The following TULP4 variants were observed in gnomAD, a reference collection of about 807,000 sequenced individuals.
TULP4 encodes the protein TUB like protein 4, also known as tubby-related protein 4.
A neutral mutation model predicts 129.0 loss-of-function variants in TULP4; 16 were observed. That is an observed-to-expected ratio of 0.12 (90% confidence interval 0.08 to 0.19). The LOEUF (loss-of-function observed/expected upper bound fraction) is 0.19, where lower values mean the gene tolerates loss of function less well. Ranked by LOEUF, TULP4 falls within the 10% of genes least tolerant of loss-of-function variation. The probability of loss-of-function intolerance (pLI) is 1.00; values close to 1 mark genes in which losing one functional copy is unlikely to be tolerated. For missense variants in TULP4, 1,842 were observed against 2,059.1 expected, an observed-to-expected ratio of 0.89 and a Z score of 2.04; for synonymous variants, 998 against 854.0, an observed-to-expected ratio of 1.17 and a Z score of -2.94.
intron 6 of TULP4, among the ~76,000 whole-genome samples, chr6:158,468,947 A>G (rs1428674096): frequency 6.6e-6 from 1 of 152,168 alleles, no homozygotes; most frequent in Non-Finnish European, 1.5e-5. Flanking sequence ...CAAAGGCCCC[A>G]CCTAATACCA....
intron 2 of TULP4, among the ~76,000 whole-genome samples, chr6:158,426,376 A>G (rs1321367680): frequency 1.3e-5 from 2 of 152,108 alleles, no homozygotes; most frequent in Non-Finnish European, 2.9e-5. Flanking sequence ...TTAAGTCTTT[A>G]ATCTTGAGTT....
At chr6:158,450,701 A>G (rs1779144971) in intron 4 of TULP4, among the ~76,000 whole-genome samples, 1 of 151,228 alleles carries the variant, frequency 6.6e-6, no homozygotes, top group Non-Finnish European at 1.5e-5. Context: ...TACTCTTAGA[A>G]CTCCTCTTTA....
chr6:158,308,866 C>T (rs1178324297), upstream of TULP4, among the ~76,000 whole-genome samples: 7 of 137,494 alleles, frequency 5.1e-5, no homozygotes, highest in South Asian at 2.4e-4. Flanking sequence ...CCGGACGGGG[C>T]GGCTGGCCGG....
chr6:158,425,666 C>T (rs1298869408), intron 2 of TULP4, among the ~76,000 whole-genome samples: 3 of 151,690 alleles, frequency 2.0e-5, no homozygotes, highest in Non-Finnish European at 4.4e-5. Flanking sequence ...CTGGAGTGCA[C>T]GATCTTGGCT....
In TULP4 at chr6:158,502,985, C is replaced by G. The variant is rs1170801984; in HGVS notation, c.3322C>G (p.Pro1108Ala). The G allele has an allele frequency of 8.1e-6, 13 of 1,613,918 alleles. No individual in the cohort carries two copies. The highest frequency in any genetic ancestry group is 1.1e-5 in the Non-Finnish European group (13 of 1,180,000). ...GCTTGAGAAGCCCTTGAGGCACCCT[C>G]CCCTGCCTGAAGCTGCTGTCACCCT... ...CQLEKPLRHP[P>A]LPEAAVTLKR... The change falls in exon 13 of 14, where the codon CCC (proline) becomes GCC (alanine). Residue 1108 changes from proline to alanine, a missense_variant. Coordinates refer to ENST00000367097, the MANE Select transcript of TULP4 (RefSeq NM_020245.5).
intron 3 of TULP4, among the ~76,000 whole-genome samples, chr6:158,446,869 A>C (rs1211856020): frequency 6.6e-6 from 1 of 152,170 alleles, no homozygotes; most frequent in Non-Finnish European, 1.5e-5. Context: ...CTCTTCTTAT[A>C]TGGGCGCTAA....
At chr6:158,349,833 G>T (rs1415786401) in intron 1 of TULP4, among the ~76,000 whole-genome samples, 1 of 143,042 alleles carries the variant, frequency 7.0e-6, no homozygotes, top group Non-Finnish European at 1.5e-5. Context: ...AGATGGGGCG[G>T]CCGGGCAGAG....
At chr6:158,394,800 A>C in intron 1 of TULP4, among the ~76,000 whole-genome samples, 1 of 149,482 alleles carries the variant, frequency 6.7e-6, no homozygotes, top group Non-Finnish European at 1.5e-5. Flanking sequence ...AAAAAAAAAA[A>C]AAAAAAAAAA....
chr6:158,476,215 C>T (rs1414414663), intron 6 of TULP4, among the ~76,000 whole-genome samples: 4 of 152,136 alleles, frequency 2.6e-5, no homozygotes, highest in Non-Finnish European at 2.9e-5. Context: ...TCAATGTGTC[C>T]GTGCCCTGCC....
chr6:158,331,715 A>ATAT lies in TULP4; in HGVS notation c.252+17447_252+17448insTAT, dbSNP rs1779884274. ...CACACACACACACACACACACACAC[A>ATAT]CACACACACACACATACGTATATAT... On this transcript the variant is annotated intron_variant, in intron 1 of 13. Transcript: ENST00000367097. Among the ~76,000 whole-genome samples, 2 of 20,888 alleles carry ATAT rather than the reference A, an allele frequency of 9.6e-5. 1 individual carries two copies. The highest frequency in any genetic ancestry group is 1.9e-4 in the African/African-American group (2 of 10,586). 13.7% of individuals were successfully genotyped at this position (20,888 alleles called of 152,430 possible).
intron 1 of TULP4, among the ~76,000 whole-genome samples, chr6:158,368,066 C>CAAAAAAAAAAAAGAAAAAA (rs1776973851): frequency 1.5e-5 from 1 of 65,010 alleles, no homozygotes; most frequent in Non-Finnish European, 2.9e-5. Flanking sequence ...ACCCTGTCTC[C>CAAAAAAAAAAAAGAAAAAA]AAAAAAAAAA....
chr6:158,235,020 A>G (rs1221795680), intron 1 of TULP4, among the ~76,000 whole-genome samples: 1 of 152,018 alleles, frequency 6.6e-6, no homozygotes, highest in Admixed American at 6.6e-5. Flanking sequence ...TACAAAAATT[A>G]ACCAGTTGCT....
At chr6:158,396,982 G>T (rs1402936398) in intron 1 of TULP4, among the ~76,000 whole-genome samples, 1 of 152,182 alleles carries the variant, frequency 6.6e-6, no homozygotes, top group African/African-American at 2.4e-5. Flanking sequence ...TGATGAGATT[G>T]AATAGCTGAT....
intron 1 of TULP4, among the ~76,000 whole-genome samples, chr6:158,376,600 A>G (rs1777197663): frequency 6.6e-6 from 1 of 152,216 alleles, no homozygotes; most frequent in Non-Finnish European, 1.5e-5. Flanking sequence ...TTTCAGTGTC[A>G]CAATTGAAGA....
chr6:158,430,435 A>C (rs1778602661), intron 3 of TULP4, among the ~76,000 whole-genome samples: 1 of 152,218 alleles, frequency 6.6e-6, no homozygotes, highest in South Asian at 2.1e-4. Context: ...TAACAATAAA[A>C]TTCTATATTG....
chr6:158,348,173 G>GTTTTTTTTTTTTTTTTTTT (rs34217788), intron 1 of TULP4, among the ~76,000 whole-genome samples: 1 of 112,170 alleles, frequency 8.9e-6, no homozygotes, highest in African/African-American at 3.8e-5. Flanking sequence ...TTTTTTTAAG[G>GTTTTTTTTTTTTTTTTTTT]TTTTTTTTTT....
chr6:158,239,969 C>T (rs1414388066), intron 1 of TULP4, among the ~76,000 whole-genome samples: 6 of 69,754 alleles, frequency 8.6e-5, no homozygotes, highest in African/African-American at 2.0e-4. Flanking sequence ...CCCTCCCGGA[C>T]GGGGCGGCTG....
At chr6:158,367,298 A>T (rs891725473) in intron 1 of TULP4, among the ~76,000 whole-genome samples, 3 of 152,106 alleles carry the variant, frequency 2.0e-5, no homozygotes, top group African/African-American at 7.2e-5. Flanking sequence ...CCCAGAGGGG[A>T]CTCAAGAGGG....
chr6:158,268,348 C>T (rs1778488720), intron 1 of TULP4, among the ~76,000 whole-genome samples: 1 of 152,102 alleles, frequency 6.6e-6, no homozygotes, highest in South Asian at 2.1e-4. Flanking sequence ...CTTGTTTGAT[C>T]ATTTTAATGG....
Sources: gnomAD v4.1 joint callset for allele counts (sites outside exome capture counted in the v4.1 genomes callset) on GRCh38, gnomAD v4.1.1 for gene constraint, MANE v1.5 for transcripts, NCBI Gene and HGNC (gene_info 2026-07-23, HGNC 2026-07-21) for gene names.